MBD6: variants seen among roughly 807,000 people sequenced by gnomAD.
The protein encoded by MBD6 is methyl-CpG-binding domain protein 6.
Under a neutral mutation model 66.8 loss-of-function variants are expected in MBD6, and 22 were observed. The ratio of observed to expected loss-of-function variants is 0.33; its 90% CI spans 0.24 to 0.47. The LOEUF (loss-of-function observed/expected upper bound fraction) is 0.47, where lower values mean the gene tolerates loss of function less well. Among genes scored for constraint, MBD6 ranks in the 20% least tolerant of loss-of-function variants. The pLI, the probability that MBD6 is intolerant of heterozygous loss-of-function variation, is 1.00. For synonymous variants in MBD6, 540 were observed against 534.6 expected (o/e 1.01, Z -0.14); for missense variants, 1,322 against 1,286.9 (o/e 1.03, Z -0.42).
Position 57,526,632 on chromosome 12 carries a change from C to G in MBD6, c.1487C>G (p.Ser496Cys). ...CCCAGCCCTGTGCTTCAAAGCCCAT[C>G]CGAAGGACTGGGGATGGGGGCAGGC... ...VVPSPVLQSP[S>C]EGLGMGAGPA... is the part of the protein sequence containing the mutation. The change falls in exon 7 of 13, where the codon TCC becomes TGC. Residue 496 changes from serine (S) to cysteine (C), a missense_variant. Transcript: ENST00000355673. 6.6e-7 allele frequency: 1 copy of G among 1,514,114 alleles called. No individual in the cohort carries two copies. Among genetic ancestry groups the G allele is most frequent in the Non-Finnish European group, 8.8e-7 (1 of 1,132,382 alleles). The allele number at this position is 1,514,114 out of a possible 1,614,324, so 93.8% of individuals were successfully genotyped here.
At chr12:57,530,263 C>T (rs1348248819), downstream of MBD6, 1 of 157,742 alleles carries the variant, frequency 6.3e-6, no homozygotes, top group East Asian at 1.9e-4. Flanking sequence ...GAATGAATAT[C>T]TATATCCTAG....
Position 57,529,205 on chromosome 12 carries a change from A to G in MBD6, c.2983A>G (p.Lys995Glu). Residue 995 changes from lysine (K) to glutamate (E), a missense_variant, in exon 13 of 13, where the codon AAA becomes GAA. Coordinates refer to ENST00000355673, the MANE Select transcript of MBD6 (RefSeq NM_052897.4). ...PPRARPGRPA[K>E]NKRRKLAP The stretch of plus-strand genomic sequence containing the variant: ...CCGGGCCCGCCCTGGCCGTCCTGCC[A>G]AAAACAAGAGGAGGAAACTGGCCCC... 6.2e-7 allele frequency: 1 copy of G among 1,614,036 alleles called. No individual in the cohort carries two copies. The highest frequency in any genetic ancestry group is 8.5e-7 in the Non-Finnish European group (1 of 1,179,948).
chr12:57,530,478 G>A (rs1211475470), downstream of MBD6: 3 of 506,644 alleles, frequency 5.9e-6, no homozygotes, highest in South Asian at 3.1e-5. Flanking sequence ...AGGCCTGAGG[G>A]GAGACCACCT....
Position 57,525,391 on chromosome 12 carries a change from G to GC in MBD6, c.429dup (p.Ser144LeufsTer15), listed in dbSNP as rs1488567699. The GC allele has an allele frequency of 6.5e-7, 1 of 1,544,362 alleles. No individual in the cohort carries two copies. Among genetic ancestry groups the GC allele is most frequent in the Non-Finnish European group, 8.7e-7 (1 of 1,152,644 alleles). The stretch of plus-strand genomic sequence containing the variant: ...AAATGTTCCACACTGTGTCCCCAGG[G>GC]CCCCCCTCTGCCCGCCCTCCCTGTC... On this transcript the variant is annotated frameshift_variant, in exon 6 of 13. Coordinates refer to ENST00000355673, the MANE Select transcript of MBD6 (RefSeq NM_052897.4). LOFTEE classifies it high-confidence loss of function.
downstream of MBD6, among the ~76,000 whole-genome samples, chr12:57,531,261 C>T (rs893176191): frequency 3.3e-5 from 5 of 152,088 alleles, no homozygotes; most frequent in African/African-American, 1.2e-4. Flanking sequence ...GTGGCTCACG[C>T]CTGTAATCTC....
At chr12:57,531,064 G>A (rs1394508998), downstream of MBD6, among the ~76,000 whole-genome samples, 1 of 152,228 alleles carries the variant, frequency 6.6e-6, no homozygotes, top group African/African-American at 2.4e-5. Flanking sequence ...TTGTTGAAAT[G>A]AGGGTTTCAC....
At chr12:57,530,444 G>T, downstream of MBD6, 1 of 445,944 alleles carries the variant, frequency 2.2e-6, no homozygotes, top group East Asian at 3.4e-5. Context: ...TTGGCATGTG[G>T]CTGGGCCCAC....
intron 11 of MBD6, 100 bp from the exon 12 acceptor site, chr12:57,528,846 A>G: frequency 4.4e-6 from 7 of 1,601,884 alleles, no homozygotes; most frequent in South Asian, 1.1e-5. Flanking sequence ...TAAGGATATT[A>G]TGCCTTTACT....
rs779423513 is a variant in MBD6, at chr12:57,525,357, C to T, written c.389C>T (p.Ala130Val). ...TCSHSSPGEG[A>V]SPQMFHTVSP... is the part of the protein sequence containing the mutation. ...TTTTCATTTATTGCAGGAGAGGGAG[C>T]GAGCCCCCAAATGTTCCACACTGTG... The change falls in exon 6 of 13, where the codon GCG becomes GTG. Residue 130 changes from alanine (A) to valine (V), a missense_variant. Ala to Val is a moderately conservative substitution (Grantham distance 64, BLOSUM62 0). Transcript: ENST00000355673. 3.8e-6 allele frequency: 6 copies of T among 1,562,760 alleles called. No individual in the cohort carries two copies. Among genetic ancestry groups the T allele is most frequent in the East Asian group, 2.2e-5 (1 of 44,644 alleles).
At chr12:57,527,356 C>G (rs143981572) in intron 7 of MBD6, 129 bp downstream of exon 7, 1 of 1,166,594 alleles carries the variant, frequency 8.6e-7, no homozygotes, top group African/African-American at 1.5e-5. Flanking sequence ...TAGTTCTTGG[C>G]TGGGGGTAGG....
chr12:57,524,877 C>G lies in MBD6; in HGVS notation c.216+55C>G, dbSNP rs75754701. 9.4e-4 allele frequency: 1,512 copies of G among 1,611,274 alleles called. 13 individuals are homozygous for G. The African/African-American group carries it at 0.018, about 20-fold the overall frequency. ...CAGAGATAAGCTAAAAGTCTTAATG[C>G]AAATCACTGACTGAGGTAGCCCTTC... On this transcript the variant is annotated intron_variant, in intron 4 of 12. Coordinates refer to ENST00000355673, the MANE Select transcript of MBD6 (RefSeq NM_052897.4).
At position 57,526,007 on chromosome 12, in the gene MBD6, C is replaced by T. The variant is rs755099442; in HGVS notation, c.1039C>T (p.Arg347Cys). ...CAGCACTTTACAGGGCCGAAGGCCC[C>T]GTGCCCAGGCACCCTCAGCTTCCCA... ...PPSTLQGRRP[R>C]AQAPSASHSS... is the part of the protein sequence containing the mutation. Residue 347 changes from arginine to cysteine, a missense_variant, in exon 6 of 13, where the codon CGT (arginine) becomes TGT (cysteine). Arg to Cys is a radical substitution (Grantham distance 180, BLOSUM62 -3). Transcript: ENST00000355673. 2.6e-5 allele frequency: 42 copies of T among 1,613,824 alleles called. No homozygotes were observed. Among genetic ancestry groups the T allele is most frequent in the Admixed American group, 6.7e-5 (4 of 60,004 alleles).
rs377266092 is a variant in MBD6 at position 57,526,581 on chromosome 12, C to T, written c.1436C>T (p.Pro479Leu). The change falls in exon 7 of 13, where the codon CCA becomes CTA. Residue 479 changes from proline (P) to leucine (L), a missense_variant. Pro to Leu is a moderately conservative substitution (Grantham distance 98). Transcript: ENST00000355673. ...LSSVPGAPAP[P>L]AASKAPVVPS... The stretch of plus-strand genomic sequence containing the variant: ...TCTTTTACAGGTGCCCCTGCCCCAC[C>T]AGCTGCCTCCAAAGCCCCAGTAGTC... 1 of 1,511,552 alleles carries T rather than the reference C, an allele frequency of 6.6e-7. No individual in the cohort carries two copies. Among genetic ancestry groups the T allele is most frequent in the East Asian group, 2.3e-5 (1 of 43,736 alleles). 93.6% of individuals were successfully genotyped at this position (1,511,552 alleles called of 1,614,324 possible). A position where few individuals can be genotyped will look rare whatever the true frequency, so the allele number is the denominator to read the frequency against.
rs777218929 is a variant in MBD6 at position 57,525,835 on chromosome 12, A to T, written c.867A>T (p.Pro289=). Residue 289 remains proline (P), a synonymous_variant, in exon 6 of 13, where the codon CCA becomes CCT. Transcript: ENST00000355673. Reference sequence around the variant, plus strand: ...ACCCTGGTCCTGCCTCTCAGCCACCAGTGTCTTCAGCCACTATGCACCTGC... The same window carrying T: ...ACCCTGGTCCTGCCTCTCAGCCACCTGTGTCTTCAGCCACTATGCACCTGC... ...PAHPGPASQP[P]VSSATMHLPL... The T allele has an allele frequency of 2.9e-6, 4 of 1,382,950 alleles. No individual in the cohort carries two copies. The Admixed American group carries it at 8.5e-5, about 29-fold the overall frequency. 85.7% of individuals were successfully genotyped at this position (1,382,950 alleles called of 1,614,324 possible).
downstream of MBD6, among the ~76,000 whole-genome samples, chr12:57,531,376 G>A (rs1294672695): frequency 6.6e-6 from 1 of 152,046 alleles, no homozygotes; most frequent in Non-Finnish European, 1.5e-5. Context: ...AAAAAATTAG[G>A]TGTGGTGGTG....
chr12:57,525,071 C>T lies in MBD6; in HGVS notation c.335C>T (p.Thr112Ile). 1 of 1,612,854 alleles carries T rather than the reference C, an allele frequency of 6.2e-7. No homozygotes were observed. Among genetic ancestry groups the T allele is most frequent in the Non-Finnish European group, 8.5e-7 (1 of 1,179,720 alleles). ...CGGCGGAAAGCTGTTGCTATGGCAA[C>T]TCTGTACCGCAGCATGGAGACCACC... is the stretch of plus-strand genomic sequence containing the variant. ...NHRRKAVAMA[T>I]LYRSMETTCS... is the part of the protein sequence containing the mutation. Residue 112 changes from threonine to isoleucine, a missense_variant, in exon 5 of 13, where the codon ACT becomes ATT. By Grantham distance (89) the Thr-to-Ile change is moderately conservative. Coordinates refer to ENST00000355673, the MANE Select transcript of MBD6 (RefSeq NM_052897.4).
intron 3 of MBD6, 100 bp from the exon 4 acceptor site, chr12:57,524,620 G>C (rs776918594): frequency 1.7e-6 from 2 of 1,196,030 alleles, no homozygotes; most frequent in African/African-American, 1.5e-5. Context: ...CTTATCCTCT[G>C]TTCTTCTAGG....
chr12:57,522,716 A>T (rs1280467629), upstream of MBD6: 2 of 151,736 alleles, frequency 1.3e-5, no homozygotes, highest in African/African-American at 2.5e-5. Flanking sequence ...CCGTCCGGGC[A>T]GCGGCGGAGG....
upstream of MBD6, chr12:57,521,033 C>T (rs549855332): frequency 6.6e-6 from 1 of 152,554 alleles, no homozygotes; most frequent in South Asian, 2.1e-4. Context: ...TAGCTTTACC[C>T]GCCGTTTTAC....
Sources: allele counts gnomAD v4.1 joint callset (sites outside exome capture counted in the v4.1 genomes callset), GRCh38; gene constraint gnomAD v4.1.1; transcripts MANE v1.5; gene names NCBI Gene and HGNC (gene_info 2026-07-23, HGNC 2026-07-21).